Variants in EEF2 observed in about 807,000 individuals in gnomAD.
The protein encoded by EEF2 is eukaryotic translation elongation factor 2, also known as elongation factor 2.
EEF2 carries 21 observed loss-of-function variants against 85.3 expected under a neutral mutation model. The observed-to-expected ratio is 0.25, with a 90% CI of 0.17 to 0.35. The LOEUF (loss-of-function observed/expected upper bound fraction) is 0.35. Ranked by LOEUF, EEF2 falls within the 10% of genes least tolerant of loss-of-function variation. The probability of loss-of-function intolerance (pLI) is 1.00; values close to 1 mark genes in which losing one functional copy is unlikely to be tolerated. For synonymous variants in EEF2, 723 were observed against 508.8 expected, an observed-to-expected ratio of 1.42 and a Z score of -5.67; for missense variants, 825 against 1,225.3, an observed-to-expected ratio of 0.67 and a Z score of 4.88.
Position 3,977,181 on chromosome 19 carries a change from C to T in EEF2, c.2383+34G>A. ...GCTTCTGTCCCCCAAACCAGCCTGC[C>T]AGGCTCTGCAGGCCACACCGGGCAG... is the stretch of plus-strand genomic sequence containing the variant. On this transcript the variant is annotated intron_variant, in intron 14 of 14. Coordinates refer to ENST00000309311, the MANE Select transcript of EEF2 (RefSeq NM_001961.4). The surrounding 1 kb of genome is among the most constrained non-coding windows in gnomAD (Gnocchi z 5.4). The T allele has an allele frequency of 1.2e-6, 2 of 1,603,510 alleles. No individual in the cohort carries two copies. Among genetic ancestry groups the T allele is most frequent in the Non-Finnish European group, 1.7e-6 (2 of 1,173,366 alleles).
chr19:3,980,235 C>T (rs557767629), intron 9 of EEF2, among the ~76,000 whole-genome samples, 169 bp from the exon 10 acceptor site: 79 of 152,346 alleles, frequency 5.2e-4, no homozygotes, highest in African/African-American at 1.8e-3. Flanking sequence ...GAAACATCCT[C>T]TTCAGAATCA....
At position 3,981,863 on chromosome 19, in the gene EEF2, C is replaced by T. The variant is rs567399622; in HGVS notation, c.897+84G>A. The T allele has an allele frequency of 4.8e-5, 63 of 1,302,194 alleles. No individual in the cohort carries two copies. In the East Asian group the frequency reaches 1.4e-3, roughly 28 times the overall value. The allele number at this position is 1,302,194 out of a possible 1,614,324, so 80.7% of individuals were successfully genotyped here. On this transcript the variant is annotated intron_variant, in intron 6 of 14. Coordinates refer to ENST00000309311, the MANE Select transcript of EEF2 (RefSeq NM_001961.4). ...TGCCCCACAAGGAGACGGGCCCAGTCAGCCGACAGGCTACCGGCCGGAGCC... is the reference window on the plus strand; with the variant it reads ...TGCCCCACAAGGAGACGGGCCCAGTTAGCCGACAGGCTACCGGCCGGAGCC...
chr19:3,983,074 G>T (rs775734158), intron 3 of EEF2, 36 bp downstream of exon 3: 1 of 1,611,822 alleles, frequency 6.2e-7, no homozygotes, highest in South Asian at 1.1e-5. Context: ...ATGGCCCCCG[G>T]TTCCAGGCCG....
Position 3,977,792 on chromosome 19 carries a change from G to T in EEF2, c.2067+27C>A, listed in dbSNP as rs370449342. ...CCTCTAGAGCCTGGAAACGGGTGTGGTCTGCACATGCTGAGCCGTGCCTCA... is the reference window on the plus strand; with the variant it reads ...CCTCTAGAGCCTGGAAACGGGTGTGTTCTGCACATGCTGAGCCGTGCCTCA... On this transcript the variant is annotated intron_variant, in intron 12 of 14. Transcript: ENST00000309311. The surrounding 1 kb of genome is among the most constrained non-coding windows in gnomAD (Gnocchi z 5.4). 4.5e-6 allele frequency: 7 copies of T among 1,554,514 alleles called. No individual in the cohort carries two copies. The highest frequency in any genetic ancestry group is 5.2e-6 in the Non-Finnish European group (6 of 1,145,986).
At chr19:3,983,057 A>C in intron 3 of EEF2, 39 bp from the exon 4 acceptor site, 1 of 1,611,360 alleles carries the variant, frequency 6.2e-7, no homozygotes, top group Non-Finnish European at 8.5e-7. Context: ...GTCATCCTCA[A>C]GCAAGGATGG....
At chr19:3,979,243 C>T in intron 11 of EEF2, 86 bp downstream of exon 11, 3 of 1,063,008 alleles carry the variant, frequency 2.8e-6, no homozygotes, top group Admixed American at 3.9e-5. Context: ...GTCTAGGCGT[C>T]TGCAGAGCCT....
Position 3,983,253 on chromosome 19 carries a change from A to G in EEF2, c.257T>C (p.Leu86Ser). 13 of 1,613,844 alleles carry G rather than the reference A, an allele frequency of 8.1e-6. No individual in the cohort carries two copies. The highest frequency in any genetic ancestry group is 1.1e-5 in the South Asian group (1 of 91,072). Reference protein sequence around the residue: ...SLFYELSENDLNFIKQSKDGA... With the variant: ...SLFYELSENDSNFIKQSKDGA... ...GTCCTTGCTCTGCTTGATGAAGTTC[A>G]AGTCATTCTCCGAGAGCTCGTAGAA... Residue 86 changes from leucine (L) to serine (S), a missense_variant, in exon 3 of 15, where the codon TTG becomes TCG. Transcript: ENST00000309311.
At position 3,983,228 on chromosome 19, in the gene EEF2, G is replaced by A. The variant is rs527597574; in HGVS notation, c.282C>T (p.Asp94=). ...TGAGGTTGATGAGGAAGCCGGCACC[G>A]TCCTTGCTCTGCTTGATGAAGTTCA... ...NDLNFIKQSK[D]GAGFLINLID... The change falls in exon 3 of 15, where the codon GAC becomes GAT. Residue 94 remains aspartate, a synonymous_variant. Coordinates refer to ENST00000309311, the MANE Select transcript of EEF2 (RefSeq NM_001961.4). The A allele has an allele frequency of 3.8e-5, 61 of 1,614,002 alleles. No individual in the cohort carries two copies. Among genetic ancestry groups the A allele is most frequent in the African/African-American group, 1.9e-4 (14 of 74,996 alleles).
intron 4 of EEF2, 114 bp from the exon 5 acceptor site, chr19:3,982,538 T>C (rs995572492): frequency 3.0e-5 from 41 of 1,353,710 alleles, no homozygotes; most frequent in Non-Finnish European, 4.0e-5. Context: ...AGTAGACATC[T>C]GGTCAAAGTG....
In EEF2 at chr19:3,977,723, G is replaced by A. The variant is rs2039695408; in HGVS notation, c.2067+96C>T. 6.7e-7 allele frequency: 1 copy of A among 1,487,370 alleles called. No individual in the cohort carries two copies. 92.1% of individuals were successfully genotyped at this position (1,487,370 alleles called of 1,614,324 possible). A position where few individuals can be genotyped will look rare whatever the true frequency, so the allele number is the denominator to read the frequency against. Reference sequence around the variant, plus strand: ...GGGGACCTGGGGCCTTGCCCGCCTTGGCCCCATTAGGGTCTCTGTCTCGGG... The same window carrying A: ...GGGGACCTGGGGCCTTGCCCGCCTTAGCCCCATTAGGGTCTCTGTCTCGGG... On this transcript the variant is annotated intron_variant, in intron 12 of 14. Transcript: ENST00000309311. The surrounding 1 kb of genome is among the most constrained non-coding windows in gnomAD (Gnocchi z 5.4).
Position 3,977,107 on chromosome 19 carries a change from C to T in EEF2, c.2383+108G>A. ...ACTGGACCACCTGCTCCATCCATCA[C>T]CTGCTCCCATCAGGACGCCTCCTTT... is the stretch of plus-strand genomic sequence containing the variant. On this transcript the variant is annotated intron_variant, in intron 14 of 14. Transcript: ENST00000309311. This position sits in a 1 kb window ranked among gnomAD's most constrained non-coding sequence, Gnocchi z 5.4. 1 of 1,479,320 alleles carries T rather than the reference C, an allele frequency of 6.8e-7. No homozygotes were observed. Among genetic ancestry groups the T allele is most frequent in the Non-Finnish European group, 9.1e-7 (1 of 1,100,328 alleles). 91.6% of individuals were successfully genotyped at this position (1,479,320 alleles called of 1,614,324 possible).
rs369523513 is a variant in EEF2, at chr19:3,985,436, G to C, written c.-56C>G. The stretch of plus-strand genomic sequence containing the variant: ...AGAACCGAAAGAAGCGAGTCGCGCC[G>C]AGGATGGCGGCGACGACGGCGGAAG... On this transcript the variant is annotated 5_prime_UTR_variant, in exon 1 of 15. Transcript: ENST00000309311. 1.6e-5 allele frequency: 23 copies of C among 1,452,496 alleles called. No individual in the cohort carries two copies. Among genetic ancestry groups the C allele is most frequent in the African/African-American group, 4.4e-5 (3 of 68,698 alleles). The allele number at this position is 1,452,496 out of a possible 1,614,324, so 90.0% of individuals were successfully genotyped here.
chr19:3,976,321 C>T lies in EEF2; in HGVS notation c.*233G>A. The T allele has an allele frequency of 2.1e-6, 1 of 474,536 alleles. No homozygotes were observed. Among genetic ancestry groups the T allele is most frequent in the Non-Finnish European group, 3.7e-6 (1 of 268,722 alleles). The allele number at this position is 474,536 out of a possible 1,614,324, so 29.4% of individuals were successfully genotyped here. A position where few individuals can be genotyped will look rare whatever the true frequency, so the allele number is the denominator to read the frequency against. ...CCCGCCTCCCCCTCCCCGACCGGCCCATTAAGTCCCTACTAAGAGGGCGTG... is the reference window on the plus strand; with the variant it reads ...CCCGCCTCCCCCTCCCCGACCGGCCTATTAAGTCCCTACTAAGAGGGCGTG... On this transcript the variant is annotated 3_prime_UTR_variant, in exon 15 of 15. Coordinates refer to ENST00000309311, the MANE Select transcript of EEF2 (RefSeq NM_001961.4).
chr19:3,978,706 G>A (rs944028848), intron 11 of EEF2, among the ~76,000 whole-genome samples: 5 of 148,602 alleles, frequency 3.4e-5, no homozygotes, highest in African/African-American at 9.9e-5. Context: ...AGGAGGCTGA[G>A]GCAGGAGAAT....
rs931740881 is a variant in EEF2 at position 3,977,378 on chromosome 19, G to A, written c.2251-31C>T. On this transcript the variant is annotated intron_variant, in intron 13 of 14. Transcript: ENST00000309311. This position sits in a 1 kb window ranked among gnomAD's most constrained non-coding sequence, Gnocchi z 5.4. ...AGAAGGGAAAGAAAACCTGTCAGTGGCCGCTGGGCAGGACGGTGGCAGGGT... is the reference window on the plus strand; with the variant it reads ...AGAAGGGAAAGAAAACCTGTCAGTGACCGCTGGGCAGGACGGTGGCAGGGT... 5 of 1,591,720 alleles carry A rather than the reference G, an allele frequency of 3.1e-6. No individual in the cohort carries two copies. Among genetic ancestry groups the A allele is most frequent in the Admixed American group, 3.6e-5 (2 of 54,886 alleles).
At position 3,977,334 on chromosome 19, in the gene EEF2, A is replaced by C; in HGVS notation, c.2264T>G (p.Val755Gly). Residue 755 changes from valine (V) to glycine (G), a missense_variant, in exon 14 of 15, where the codon GTG becomes GGG. Transcript: ENST00000309311. This position sits in a 1 kb window ranked among gnomAD's most constrained non-coding sequence, Gnocchi z 5.4. ...YLVEIQCPEQ[V>G]VGGIYGVLNR... ...CAAAACCCCGTAGATGCCACCGACC[A>C]CCTGCTCTGGACACTGCCAGAAGGG... 6.3e-7 allele frequency: 1 copy of C among 1,593,208 alleles called. No homozygotes were observed. The highest frequency in any genetic ancestry group is 8.5e-7 in the Non-Finnish European group (1 of 1,170,326).
At chr19:3,978,708 C>T (rs2039706679) in intron 11 of EEF2, among the ~76,000 whole-genome samples, 1 of 142,420 alleles carries the variant, frequency 7.0e-6, no homozygotes, top group Non-Finnish European at 1.5e-5. Flanking sequence ...GAGGCTGAGG[C>T]AGGAGAATGG....
At chr19:3,980,426 T>A in intron 9 of EEF2, 88 bp downstream of exon 9, 1 of 1,467,426 alleles carries the variant, frequency 6.8e-7, no homozygotes, top group South Asian at 1.3e-5. Flanking sequence ...GCTCCTTACT[T>A]CTAGCTCCCG....
chr19:3,982,208 G>A (rs774621018), intron 5 of EEF2, 38 bp downstream of exon 5: 5 of 1,610,326 alleles, frequency 3.1e-6, no homozygotes, highest in South Asian at 1.1e-5. Flanking sequence ...ACTACCCCCA[G>A]GTGTCAGGAA....
Sources: allele counts gnomAD v4.1 joint callset (sites outside exome capture counted in the v4.1 genomes callset), GRCh38; gene constraint gnomAD v4.1.1; non-coding constraint Gnocchi (gnomAD v3.1); transcripts MANE v1.5; gene names NCBI Gene and HGNC (gene_info 2026-07-23, HGNC 2026-07-21).